FHIP1A: variants seen among roughly 807,000 people sequenced by gnomAD.
The protein encoded by FHIP1A is FHF complex subunit HOOK interacting protein 1A, also known as FHF complex subunit HOOK-interacting protein 1A.
Under a neutral mutation model 88.6 loss-of-function variants are expected in FHIP1A, and 61 were observed. That is an observed-to-expected ratio of 0.69 (90% CI 0.56 to 0.85). The LOEUF (loss-of-function observed/expected upper bound fraction) is 0.85. Ranked by LOEUF, FHIP1A falls within the 40% of genes least tolerant of loss-of-function variation. The pLI is 0.00. For missense variants in FHIP1A, 1,154 were observed against 1,273.5 expected (o/e 0.91, Z 1.43); for synonymous variants, 478 against 496.0 (o/e 0.96, Z 0.48).
intron 10 of FHIP1A, among the ~76,000 whole-genome samples, chr4:151,648,762 TA>T (rs1176012196): frequency 1.3e-5 from 2 of 151,700 alleles, no homozygotes; most frequent in South Asian, 2.1e-4. Flanking sequence ...ATAGACTATA[TA>T]TTTTTCCCTC....
intron 4 of FHIP1A, among the ~76,000 whole-genome samples, chr4:151,567,014 A>G (rs1302521207): frequency 6.6e-6 from 1 of 152,202 alleles, no homozygotes; most frequent in Non-Finnish European, 1.5e-5. Context: ...GTGTAATTTA[A>G]TGAAAAACGC....
intron 2 of FHIP1A, among the ~76,000 whole-genome samples, chr4:151,468,481 T>C (rs1729404445): frequency 6.6e-6 from 1 of 152,142 alleles, no homozygotes; most frequent in Non-Finnish European, 1.5e-5. Flanking sequence ...GCCTTAACCC[T>C]GCATCCCCTT....
At chr4:151,609,900 C>A (rs914464756) in intron 7 of FHIP1A, among the ~76,000 whole-genome samples, 11 of 151,896 alleles carry the variant, frequency 7.2e-5, no homozygotes, top group East Asian at 5.8e-4. Flanking sequence ...AAACAAAAAA[C>A]CCCAAAAAAC....
At chr4:151,536,663 T>TA (rs1732081716) in intron 3 of FHIP1A, among the ~76,000 whole-genome samples, 1 of 152,234 alleles carries the variant, frequency 6.6e-6, no homozygotes, top group Non-Finnish European at 1.5e-5. Context: ...TGCTGAGTGG[T>TA]ATTTCATGGT....
intron 4 of FHIP1A, among the ~76,000 whole-genome samples, chr4:151,572,448 G>A (rs111351019): frequency 8.5e-5 from 13 of 152,268 alleles, no homozygotes; most frequent in African/African-American, 2.9e-4. Context: ...AAGTGAATAC[G>A]TATTATAAAG....
At chr4:151,501,351 C>T (rs1371562804) in intron 3 of FHIP1A, among the ~76,000 whole-genome samples, 1 of 152,142 alleles carries the variant, frequency 6.6e-6, no homozygotes, top group Non-Finnish European at 1.5e-5. Flanking sequence ...CAGACTTTTT[C>T]ACAATGCCTA....
chr4:151,511,310 A>C (rs1418113634), intron 3 of FHIP1A, among the ~76,000 whole-genome samples: 2 of 152,338 alleles, frequency 1.3e-5, no homozygotes, highest in South Asian at 2.1e-4. Context: ...TGGAGCCAAG[A>C]TGGCCGAATA....
intron 7 of FHIP1A, among the ~76,000 whole-genome samples, chr4:151,618,395 T>A (rs1160143686): frequency 1.3e-5 from 2 of 152,212 alleles, no homozygotes; most frequent in Non-Finnish European, 2.9e-5. Context: ...GCTCATGATT[T>A]GGAAAGAAAT....
At chr4:151,533,612 C>A (rs1331178097) in intron 3 of FHIP1A, among the ~76,000 whole-genome samples, 1 of 152,138 alleles carries the variant, frequency 6.6e-6, no homozygotes, top group Non-Finnish European at 1.5e-5. Context: ...GCCTAGCCAG[C>A]CCCTGTTCAG....
chr4:151,634,827 A>G (rs970990981), intron 8 of FHIP1A, among the ~76,000 whole-genome samples: 1 of 151,930 alleles, frequency 6.6e-6, no homozygotes, highest in Non-Finnish European at 1.5e-5. Context: ...GGAAAACTTC[A>G]TAGCAATGGA....
chr4:151,656,321 C>T lies in FHIP1A; in HGVS notation c.2641C>T (p.Gln881Ter), dbSNP rs367582779. Residue 881 changes from glutamine (Q) to a stop codon, truncating the protein, a stop_gained, in exon 12 of 14, where the codon CAG (glutamine) becomes TAG (stop). Coordinates refer to ENST00000435205, the MANE Select transcript of FHIP1A (RefSeq NM_001109977.3). LOFTEE classifies it high-confidence loss of function. The surrounding 1 kb of genome is among the most constrained non-coding windows in gnomAD (Gnocchi z 4.2). ...VNLLLIGIIT[Q>*]LASYPQPLLR... ...TTTGCTGCTTATCGGGATCATTACT[C>T]AGCTAGCCAGCTACCCCCAGCCACT... 128 of 1,551,550 alleles carry T rather than the reference C, an allele frequency of 8.2e-5. No individual in the cohort carries two copies. The highest frequency in any genetic ancestry group is 1.1e-4 in the Non-Finnish European group (123 of 1,146,960).
At chr4:151,550,782 T>A (rs116178671) in intron 3 of FHIP1A, among the ~76,000 whole-genome samples, 1 of 152,156 alleles carries the variant, frequency 6.6e-6, no homozygotes, top group South Asian at 2.1e-4. Context: ...GAGGTGGAGA[T>A]TTGCATGCAG....
In FHIP1A at chr4:151,669,689, T is replaced by C. The variant is rs1737789962; in HGVS notation, c.*6935T>C. 1 of 152,202 alleles carries C rather than the reference T, an allele frequency of 6.6e-6. No individual in the cohort carries two copies. Among genetic ancestry groups the C allele is most frequent in the South Asian group, 2.1e-4 (1 of 4,826 alleles). The allele number at this position is 152,202 out of a possible 1,614,324, so 9.4% of individuals were successfully genotyped here. Reference sequence around the variant, plus strand: ...TCATGTTACTTTAGACCCAGTAGTTTTCAGGACCGCAACAGGATGCGGGGC... The same window carrying C: ...TCATGTTACTTTAGACCCAGTAGTTCTCAGGACCGCAACAGGATGCGGGGC... On this transcript the variant is annotated 3_prime_UTR_variant, in exon 14 of 14. Coordinates refer to ENST00000435205, the MANE Select transcript of FHIP1A (RefSeq NM_001109977.3).
At chr4:151,562,173 T>G (rs1337502246) in intron 3 of FHIP1A, among the ~76,000 whole-genome samples, 1 of 152,204 alleles carries the variant, frequency 6.6e-6, no homozygotes, top group Admixed American at 6.5e-5. Context: ...AGGCTTGGAC[T>G]GAGCCAACAA....
intron 3 of FHIP1A, among the ~76,000 whole-genome samples, chr4:151,502,194 G>A (rs2126664497): frequency 6.6e-6 from 1 of 151,286 alleles, no homozygotes; most frequent in South Asian, 2.1e-4. Context: ...AATTAGCCAG[G>A]TAGTCTCAAC....
At chr4:151,543,365 G>C (rs1414829861) in intron 3 of FHIP1A, among the ~76,000 whole-genome samples, 1 of 152,154 alleles carries the variant, frequency 6.6e-6, no homozygotes, top group African/African-American at 2.4e-5. Flanking sequence ...CATAGGGATG[G>C]CTTTCTGAAC....
At chr4:151,561,351 A>G (rs1300345273) in intron 3 of FHIP1A, among the ~76,000 whole-genome samples, 1 of 152,206 alleles carries the variant, frequency 6.6e-6, no homozygotes, top group Non-Finnish European at 1.5e-5. Flanking sequence ...ATAGGGGGCT[A>G]TTAGATGCTT....
rs140238634 is a variant in FHIP1A, at chr4:151,548,388, G to C, written c.-122-17750G>C. ...GCTGGGTAAAATAAGGCTGAGACCT[G>C]CTGGGCTGCATTTCTAGTAAGTTAG... is the stretch of plus-strand genomic sequence containing the variant. On this transcript the variant is annotated intron_variant, in intron 3 of 13. Transcript: ENST00000435205. Among the ~76,000 whole-genome samples the C allele has an allele frequency of 2.0e-5, 3 of 152,308 alleles. No individual in the cohort carries two copies. In the East Asian group the frequency reaches 5.8e-4, roughly 29 times the overall value.
chr4:151,622,369 G>A (rs989276715), intron 7 of FHIP1A, among the ~76,000 whole-genome samples: 8 of 152,110 alleles, frequency 5.3e-5, no homozygotes, highest in East Asian at 1.9e-4. Context: ...TATGAGCCTC[G>A]ACTAAGCTGT....
Sources: gnomAD v4.1 joint callset for allele counts (sites outside exome capture counted in the v4.1 genomes callset) on GRCh38, gnomAD v4.1.1 for gene constraint, Gnocchi (gnomAD v3.1) non-coding constraint, MANE v1.5 for transcripts, NCBI Gene and HGNC (gene_info 2026-07-23, HGNC 2026-07-21) for gene names.